LETM1: variants seen among roughly 807,000 people sequenced by gnomAD.
LETM1 encodes leucine zipper and EF-hand containing transmembrane protein 1, also known as mitochondrial proton/calcium exchanger protein.
Under a neutral mutation model 74.5 loss-of-function variants are expected in LETM1, and 50 were observed. That is an observed-to-expected ratio of 0.67 (90% CI 0.53 to 0.85). The LOEUF (loss-of-function observed/expected upper bound fraction) is 0.85. Among genes scored for constraint, LETM1 ranks in the 40% least tolerant of loss-of-function variants. The pLI, the probability that LETM1 is intolerant of heterozygous loss-of-function variation, is 0.00. For synonymous variants in LETM1, 446 were observed against 407.1 expected, an observed-to-expected ratio of 1.10 and a Z score of -1.15; for missense variants, 824 against 967.8, an observed-to-expected ratio of 0.85 and a Z score of 1.97.
intron 2 of LETM1, 72 bp downstream of exon 2, chr4:1,849,077 A>G: frequency 1.0e-6 from 1 of 997,732 alleles, no homozygotes; most frequent in East Asian, 2.4e-5. Context: ...ATCAAGAGTC[A>G]CTCGTGACTC....
At position 1,841,625 on chromosome 4, in the gene LETM1, G is replaced by C. The variant is rs201405849; in HGVS notation, c.316C>G (p.Arg106Gly). Residue 106 changes from arginine to glycine, a missense_variant, in exon 3 of 14, where the codon CGT becomes GGT. Arg to Gly is a moderately radical substitution (Grantham distance 125, BLOSUM62 -2). Coordinates refer to ENST00000302787, the MANE Select transcript of LETM1 (RefSeq NM_012318.3). ...ACAGGGCGCGAAGAGTGCCAGCCAC[G>C]CACAGGAAGGCACTGAGGTCCCACA... is the stretch of plus-strand genomic sequence containing the variant. Reference protein sequence around the residue: ...VAVGPQCLPVRGWHSSRPVRD... With the variant: ...VAVGPQCLPVGGWHSSRPVRD... 6.2e-7 allele frequency: 1 copy of C among 1,614,174 alleles called. No individual in the cohort carries two copies. The highest frequency in any genetic ancestry group is 8.5e-7 in the Non-Finnish European group (1 of 1,180,036).
intron 9 of LETM1, chr4:1,822,617 C>T (rs75683292): frequency 4.4e-4 from 152 of 345,322 alleles, no homozygotes; most frequent in African/African-American, 3.0e-3. Context: ...GCATGTGACC[C>T]AAGAGGACCA....
At chr4:1,835,441 A>G (rs1712429879) in intron 4 of LETM1, among the ~76,000 whole-genome samples, 1 of 144,524 alleles carries the variant, frequency 6.9e-6, no homozygotes, top group Non-Finnish European at 1.5e-5. Context: ...ACTCCGTCTC[A>G]AAAAAAAAAC....
At chr4:1,840,130 C>A (rs1054286126) in intron 3 of LETM1, among the ~76,000 whole-genome samples, 4 of 152,256 alleles carry the variant, frequency 2.6e-5, no homozygotes, top group African/African-American at 9.6e-5. Context: ...ATAATCCCAG[C>A]ACTTTGCGAG....
intron 10 of LETM1, among the ~76,000 whole-genome samples, chr4:1,820,686 A>G: frequency 6.6e-6 from 1 of 152,240 alleles, no homozygotes; most frequent in East Asian, 1.9e-4. Context: ...CAAGATAAAC[A>G]TTCCCAGCTT....
In LETM1 at chr4:1,841,652, C is replaced by T. The variant is rs750399223; in HGVS notation, c.289G>A (p.Ala97Thr). ...ACAGGAAGGCACTGAGGTCCCACAGCCACAAAACCCACAGAGGTAGAGGTC... is the reference window on the plus strand; with the variant it reads ...ACAGGAAGGCACTGAGGTCCCACAGTCACAAAACCCACAGAGGTAGAGGTC... ...PWTSTSVGFV[A>T]VGPQCLPVRG... The change falls in exon 3 of 14, where the codon GCT becomes ACT. Residue 97 changes from alanine (A) to threonine (T), a missense_variant. This residue lies in a region of LETM1 where 222 missense variants were observed against 195.6 expected (regional missense o/e 1.14). Coordinates refer to ENST00000302787, the MANE Select transcript of LETM1 (RefSeq NM_012318.3). The T allele has an allele frequency of 1.9e-5, 30 of 1,614,120 alleles. No individual in the cohort carries two copies. In the Admixed American group the frequency reaches 5.0e-4, roughly 27 times the overall value.
rs376503923 is a variant in LETM1, at chr4:1,826,181, AG to A, written c.1081-499del. Among the ~76,000 whole-genome samples the A allele has an allele frequency of 3.2e-4, 48 of 152,372 alleles. 1 individual carries two copies. The East Asian group carries it at 8.3e-3, about 26-fold the overall frequency. ...AGAGGTAGAGGACACCAAGGCATAC[AG>A]GGAGCAACAGGTGAAGAGAGACACG... On this transcript the variant is annotated intron_variant, in intron 6 of 13. Coordinates refer to ENST00000302787, the MANE Select transcript of LETM1 (RefSeq NM_012318.3).
intron 1 of LETM1, among the ~76,000 whole-genome samples, chr4:1,852,653 G>A (rs966063732): frequency 6.6e-6 from 1 of 152,136 alleles, no homozygotes; most frequent in Non-Finnish European, 1.5e-5. Context: ...CCAAACTCAC[G>A]CCTGTAATCC....
rs116203831 is a variant in LETM1, at chr4:1,815,556, G to A, written c.2070+108C>T. ...TGACAGACCCAAACCCCTGACAGGA[G>A]GGGGTAGCTGCCCAGGAGGGTGCCG... is the stretch of plus-strand genomic sequence containing the variant. On this transcript the variant is annotated intron_variant, in intron 13 of 13. Transcript: ENST00000302787. 154 of 1,239,046 alleles carry A rather than the reference G, an allele frequency of 1.2e-4. No individual in the cohort carries two copies. In the African/African-American group the frequency reaches 2.0e-3, roughly 16 times the overall value. 76.8% of individuals were successfully genotyped at this position (1,239,046 alleles called of 1,614,324 possible). A position where few individuals can be genotyped will look rare whatever the true frequency, so the allele number is the denominator to read the frequency against.
chr4:1,841,392 C>T lies in LETM1; in HGVS notation c.549G>A (p.Trp183Ter). The T allele has an allele frequency of 2.5e-6, 4 of 1,614,080 alleles. No homozygotes were observed. The highest frequency in any genetic ancestry group is 3.4e-6 in the Non-Finnish European group (4 of 1,180,016). ...TCAGGCTGTGGCCGTTGAGGATGCG[C>T]CAGAGCATGCGTGCCGCGATCTTGG... is the stretch of plus-strand genomic sequence containing the variant. ...IDTKIAARML[W>*]RILNGHSLTR... The change falls in exon 3 of 14, where the codon TGG becomes TGA. Residue 183 changes from tryptophan to a stop codon, truncating the protein, a stop_gained. Coordinates refer to ENST00000302787, the MANE Select transcript of LETM1 (RefSeq NM_012318.3). LOFTEE classifies it high-confidence loss of function.
In LETM1 at chr4:1,847,930, A is replaced by C. The variant is rs1317192838; in HGVS notation, c.143+1219T>G. Among the ~76,000 whole-genome samples, 6 of 151,266 alleles carry C rather than the reference A, an allele frequency of 4.0e-5. No individual in the cohort carries two copies. In the East Asian group the frequency reaches 7.8e-4, roughly 20 times the overall value. The stretch of plus-strand genomic sequence containing the variant: ...ATAACTGCTTGAACCCGGGAGGTGG[A>C]GATTGCAGTGGGCAGAGATCACGCC... On this transcript the variant is annotated intron_variant, in intron 2 of 13. Transcript: ENST00000302787.
At position 1,822,978 on chromosome 4, in the gene LETM1, C is replaced by G. The variant is rs1045715279; in HGVS notation, c.1476+10G>C. On this transcript the variant is annotated intron_variant, in intron 9 of 13. Coordinates refer to ENST00000302787, the MANE Select transcript of LETM1 (RefSeq NM_012318.3). ...AGCCCCACGCGGCACGGAGCAGGAC[C>G]ACCGCTTACCGCCACCTCCGAGCGC... The G allele has an allele frequency of 1.9e-6, 3 of 1,545,510 alleles. No homozygotes were observed. The African/African-American group carries it at 4.1e-5, about 21-fold the overall frequency.
Position 1,815,556 on chromosome 4 carries a change from G to C in LETM1, c.2070+108C>G, listed in dbSNP as rs116203831. ...TGACAGACCCAAACCCCTGACAGGA[G>C]GGGGTAGCTGCCCAGGAGGGTGCCG... On this transcript the variant is annotated intron_variant, in intron 13 of 13. Coordinates refer to ENST00000302787, the MANE Select transcript of LETM1 (RefSeq NM_012318.3). 36 of 1,239,046 alleles carry C rather than the reference G, an allele frequency of 2.9e-5. No homozygotes were observed. In the South Asian group the frequency reaches 5.1e-4, roughly 17 times the overall value. 76.8% of individuals were successfully genotyped at this position (1,239,046 alleles called of 1,614,324 possible).
At chr4:1,816,704 C>A (rs748901927) in intron 12 of LETM1, 23 bp downstream of exon 12, 2 of 1,608,076 alleles carry the variant, frequency 1.2e-6, no homozygotes, top group Non-Finnish European at 1.7e-6. Context: ...CGATCCCTCT[C>A]CCGCGCCCAC....
chr4:1,848,736 AG>A lies in LETM1; in HGVS notation c.143+412del, dbSNP rs1241279564. ...GTCTCAAAAAAAAAAAAAAAAAAAA[AG>A]AAAAAAAAAAAGTCGCAGTTTCCAA... On this transcript the variant is annotated intron_variant, in intron 2 of 13. Transcript: ENST00000302787. Among the ~76,000 whole-genome samples, 271 of 149,486 alleles carry A rather than the reference AG, an allele frequency of 1.8e-3. 2 individuals carry two copies. Among genetic ancestry groups the A allele is most frequent in the African/African-American group, 6.2e-3 (253 of 40,606 alleles).
chr4:1,819,373 C>A lies in LETM1; in HGVS notation c.1708G>T (p.Glu570Ter). 1 of 1,613,584 alleles carries A rather than the reference C, an allele frequency of 6.2e-7. No individual in the cohort carries two copies. Among genetic ancestry groups the A allele is most frequent in the Non-Finnish European group, 8.5e-7 (1 of 1,179,876 alleles). Residue 570 changes from glutamate (E) to a stop codon, truncating the protein, a stop_gained, in exon 11 of 14, where the codon GAG becomes TAG. Coordinates refer to ENST00000302787, the MANE Select transcript of LETM1 (RefSeq NM_012318.3). LOFTEE classifies it high-confidence loss of function. Reference protein sequence around the residue: ...KSLTKEKEELELLKEDVQDYS... With the variant: ...KSLTKEKEEL ...TCCTGCACATCCTCCTTCAGCAGCT[C>A]CAGCTCCTCCTTCTCCTTGGTGAGT...
chr4:1,833,588 G>A (rs921754427), intron 5 of LETM1: 1 of 157,388 alleles, frequency 6.4e-6, no homozygotes, highest in Admixed American at 6.0e-5. Context: ...CCTTGGGGGA[G>A]GGGTGGCCAT....
At position 1,814,335 on chromosome 4, in the gene LETM1, G is replaced by A. The variant is rs1722548001; in HGVS notation, c.*89C>T. 5 of 1,579,384 alleles carry A rather than the reference G, an allele frequency of 3.2e-6. No individual in the cohort carries two copies. The highest frequency in any genetic ancestry group is 3.5e-5 in the Admixed American group (2 of 56,644). ...TTATTCCAGCCAAAATATTAGATGAGCCACTGAGAATCACCACAAAGCAAT... is the reference window on the plus strand; with the variant it reads ...TTATTCCAGCCAAAATATTAGATGAACCACTGAGAATCACCACAAAGCAAT... On this transcript the variant is annotated 3_prime_UTR_variant, in exon 14 of 14. Coordinates refer to ENST00000302787, the MANE Select transcript of LETM1 (RefSeq NM_012318.3).
rs530702579 is a variant in LETM1, at chr4:1,811,726, T to C, written c.*2698A>G. 2 of 152,338 alleles carry C rather than the reference T, an allele frequency of 1.3e-5. No individual in the cohort carries two copies. The highest frequency in any genetic ancestry group is 1.5e-5 in the Non-Finnish European group (1 of 68,016). 9.4% of individuals were successfully genotyped at this position (152,338 alleles called of 1,614,324 possible). A position where few individuals can be genotyped will look rare whatever the true frequency, so the allele number is the denominator to read the frequency against. ...GTGAGCCACTGCGGGGTGTCCTTCA[T>C]TTAAAAAAAGTCTGGACTGTGACAC... On this transcript the variant is annotated 3_prime_UTR_variant, in exon 14 of 14. Transcript: ENST00000302787.
Sources: allele counts gnomAD v4.1 joint callset (sites outside exome capture counted in the v4.1 genomes callset), GRCh38; gene constraint gnomAD v4.1.1; regional missense constraint gnomAD v4.1.1; transcripts MANE v1.5; gene names NCBI Gene and HGNC (gene_info 2026-07-23, HGNC 2026-07-21).